The following GALK2 variants were observed in gnomAD, a reference collection of about 807,000 sequenced individuals.
The protein encoded by GALK2 is galactokinase 2.
Under a neutral mutation model 52.4 loss-of-function variants are expected in GALK2, and 36 were observed. That is an observed-to-expected ratio of 0.69 (90% CI 0.53 to 0.91). GALK2 has a LOEUF of 0.91. Among genes scored for constraint, GALK2 ranks in the 40% least tolerant of loss-of-function variants. GALK2 has a pLI of 0.00. For synonymous variants in GALK2, 176 were observed against 199.1 expected (o/e 0.88, Z 0.98); for missense variants, 579 against 559.1 (o/e 1.04, Z -0.36).
chr15:49,202,815 C>T (rs2087899044), intron 2 of GALK2, among the ~76,000 whole-genome samples: 1 of 152,106 alleles, frequency 6.6e-6, no homozygotes, highest in African/African-American at 2.4e-5. Context: ...TACTTTCCCA[C>T]CAACAGTGTA....
At chr15:49,222,118 C>A (rs982307915) in intron 3 of GALK2, among the ~76,000 whole-genome samples, 1 of 152,032 alleles carries the variant, frequency 6.6e-6, no homozygotes, top group African/African-American at 2.4e-5. Flanking sequence ...GATCTTTCAT[C>A]TCCTTGGTTA....
intron 5 of GALK2, among the ~76,000 whole-genome samples, chr15:49,262,972 G>T (rs1271426810): frequency 6.9e-6 from 1 of 145,036 alleles, no homozygotes; most frequent in Non-Finnish European, 1.5e-5. Flanking sequence ...ATCTGCTGAG[G>T]AGAGCTTTAC....
At chr15:49,168,501 C>A (rs143417334), upstream of GALK2, among the ~76,000 whole-genome samples, 1 of 152,124 alleles carries the variant, frequency 6.6e-6, no homozygotes, top group Non-Finnish European at 1.5e-5. Context: ...GGCTGATCAC[C>A]TGAGGTCAGG....
At chr15:49,309,097 A>C (rs567831820) in intron 8 of GALK2, among the ~76,000 whole-genome samples, 7 of 152,326 alleles carry the variant, frequency 4.6e-5, no homozygotes, top group African/African-American at 1.7e-4. Context: ...CTTTGAGTCT[A>C]ACAGGCATAG....
chr15:49,335,626 C>T, downstream of GALK2: 1 of 582,732 alleles, frequency 1.7e-6, no homozygotes, highest in Non-Finnish European at 3.1e-6. Flanking sequence ...CAAGTATAAA[C>T]ATGAATATTA....
At chr15:49,277,026 T>G (rs1303651684) in intron 5 of GALK2, among the ~76,000 whole-genome samples, 2 of 143,636 alleles carry the variant, frequency 1.4e-5, no homozygotes, top group South Asian at 2.2e-4. Context: ...CAGGCTGGAG[T>G]GCAGTGGCGC....
chr15:49,311,146 G>A (rs369277379), intron 8 of GALK2, among the ~76,000 whole-genome samples: 9 of 152,072 alleles, frequency 5.9e-5, no homozygotes, highest in South Asian at 2.1e-4. Flanking sequence ...ATTGACAAGC[G>A]TATCCTTTCC....
intron 8 of GALK2, among the ~76,000 whole-genome samples, chr15:49,311,037 G>A (rs998621780): frequency 4.1e-4 from 63 of 152,140 alleles, no homozygotes; most frequent in African/African-American, 1.4e-3. Flanking sequence ...TTACATTTAA[G>A]TCTTTAATCC....
chr15:49,235,122 T>C (rs960203946), intron 3 of GALK2, among the ~76,000 whole-genome samples: 4 of 152,204 alleles, frequency 2.6e-5, no homozygotes, highest in Non-Finnish European at 4.4e-5. Context: ...ATACTGTAAA[T>C]ATCTTGCTTC....
intron 3 of GALK2, chr15:49,366,730 G>A (rs1218295318): frequency 7.5e-6 from 8 of 1,060,044 alleles, no homozygotes; most frequent in Non-Finnish European, 1.1e-5. Context: ...GGCTCACTAG[G>A]TGGGGTAGGC....
chr15:49,239,068 A>G (rs138635831), intron 4 of GALK2, among the ~76,000 whole-genome samples, 153 bp from the exon 5 acceptor site: 1 of 152,336 alleles, frequency 6.6e-6, no homozygotes, highest in East Asian at 1.9e-4. Context: ...AAAATGTCAC[A>G]TATAGTCTCA....
chr15:49,229,701 C>A (rs1057342375), intron 3 of GALK2, among the ~76,000 whole-genome samples: 4 of 152,138 alleles, frequency 2.6e-5, no homozygotes, highest in African/African-American at 9.7e-5. Context: ...GTGAACCAAG[C>A]CACCTAGTGG....
chr15:49,353,143 G>A (rs891123649), intron 3 of GALK2, among the ~76,000 whole-genome samples: 2 of 152,166 alleles, frequency 1.3e-5, no homozygotes, highest in African/African-American at 2.4e-5. Flanking sequence ...CACTGATAGT[G>A]TGGAAAGTCA....
At chr15:49,270,287 A>T (rs2030274119) in intron 5 of GALK2, among the ~76,000 whole-genome samples, 1 of 152,226 alleles carries the variant, frequency 6.6e-6, no homozygotes, top group Non-Finnish European at 1.5e-5. Flanking sequence ...ACTTACTAAG[A>T]TTCCTGGAGG....
At chr15:49,210,492 T>G (rs1415731372) in intron 2 of GALK2, among the ~76,000 whole-genome samples, 1 of 151,982 alleles carries the variant, frequency 6.6e-6, no homozygotes, top group Non-Finnish European at 1.5e-5. Flanking sequence ...CAAGCTGGAG[T>G]GCAATGGTGC....
At chr15:49,360,804 G>A (rs2044090163) in intron 3 of GALK2, among the ~76,000 whole-genome samples, 1 of 152,072 alleles carries the variant, frequency 6.6e-6, no homozygotes, top group Admixed American at 6.6e-5. Flanking sequence ...TAGTAAACAA[G>A]TTTATCATCC....
At chr15:49,248,248 T>C (rs967212833) in intron 5 of GALK2, among the ~76,000 whole-genome samples, 1 of 152,254 alleles carries the variant, frequency 6.6e-6, no homozygotes, top group Non-Finnish European at 1.5e-5. Flanking sequence ...TTTAATAGTT[T>C]GTTACATGGT....
chr15:49,301,503 C>G (rs774412135), intron 8 of GALK2, among the ~76,000 whole-genome samples: 1 of 151,824 alleles, frequency 6.6e-6, no homozygotes, highest in Non-Finnish European at 1.5e-5. Flanking sequence ...AAGCTGTGGT[C>G]AGGGTAAGGA....
Position 49,252,796 on chromosome 15 carries a change from A to C in GALK2, c.504+13429A>C, listed in dbSNP as rs2091666940. On this transcript the variant is annotated intron_variant, in intron 5 of 9. Transcript: ENST00000560031. Reference sequence around the variant, plus strand: ...TTTACCAGCAATGCAGCAACATTGCATGAGAGGATCTATTTTCCTACTACT... The same window carrying C: ...TTTACCAGCAATGCAGCAACATTGCCTGAGAGGATCTATTTTCCTACTACT... Among the ~76,000 whole-genome samples the C allele has an allele frequency of 2.1e-5, 3 of 144,842 alleles. 1 individual carries two copies. Among genetic ancestry groups the C allele is most frequent in the Non-Finnish European group, 4.7e-5 (3 of 64,412 alleles).
Sources: gnomAD v4.1 joint callset for allele counts (sites outside exome capture counted in the v4.1 genomes callset) on GRCh38, gnomAD v4.1.1 for gene constraint, MANE v1.5 for transcripts, NCBI Gene and HGNC (gene_info 2026-07-23, HGNC 2026-07-21) for gene names.